Variants in DNAH14 observed in about 807,000 individuals in gnomAD.
The protein encoded by DNAH14 is axonemal beta dynein heavy chain 14.
Under a neutral mutation model 520.9 loss-of-function variants are expected in DNAH14, and 478 were observed. The ratio of observed to expected loss-of-function variants is 0.92; its 90% CI spans 0.85 to 0.99. DNAH14 has a LOEUF of 0.99. Ranked by LOEUF, DNAH14 falls within the 50% of genes least tolerant of loss-of-function variation. The probability of loss-of-function intolerance (pLI) is 0.00; values close to 1 mark genes in which losing one functional copy is unlikely to be tolerated. For synonymous variants in DNAH14, 1,581 were observed against 1,757.2 expected, an observed-to-expected ratio of 0.90 and a Z score of 2.51; for missense variants, 4,831 against 5,234.5, an observed-to-expected ratio of 0.92 and a Z score of 2.38.
At chr1:225,247,925 A>G (rs1346522072) in intron 43 of DNAH14, among the ~76,000 whole-genome samples, 1 of 152,184 alleles carries the variant, frequency 6.6e-6, no homozygotes, top group African/African-American at 2.4e-5. Context: ...AGGCTGAGGC[A>G]GGAGAATGGC....
At chr1:225,294,981 G>A (rs1319899738) in intron 55 of DNAH14, among the ~76,000 whole-genome samples, 2 of 151,862 alleles carry the variant, frequency 1.3e-5, no homozygotes, top group African/African-American at 4.8e-5. Context: ...ATTTCTTCTT[G>A]GCTCAATCTT....
chr1:225,394,970 T>C (rs2095985899), intron 84 of DNAH14, among the ~76,000 whole-genome samples: 2 of 152,174 alleles, frequency 1.3e-5, no homozygotes, highest in Admixed American at 6.5e-5. Context: ...TTTCCCTACT[T>C]CAACTTTGTC....
intron 56 of DNAH14, 131 bp downstream of exon 56, chr1:225,301,161 G>T: frequency 9.8e-7 from 1 of 1,020,490 alleles, no homozygotes; most frequent in Non-Finnish European, 1.4e-6. Flanking sequence ...GTAAAATAAT[G>T]GGTACCCTAC....
chr1:224,940,736 T>C (rs1452092422), intron 1 of DNAH14, among the ~76,000 whole-genome samples: 3 of 150,798 alleles, frequency 2.0e-5, no homozygotes, highest in Non-Finnish European at 1.5e-5. Flanking sequence ...GTGTTCTCAT[T>C]GTTCAATTCT....
intron 17 of DNAH14, among the ~76,000 whole-genome samples, chr1:225,066,216 G>C (rs2070867971): frequency 6.6e-6 from 1 of 151,702 alleles, no homozygotes; most frequent in South Asian, 2.1e-4. Flanking sequence ...AAAGGTATTT[G>C]AGTTGCTTAT....
intron 79 of DNAH14, among the ~76,000 whole-genome samples, chr1:225,379,672 C>T (rs1011438970): frequency 3.3e-5 from 5 of 151,922 alleles, no homozygotes; most frequent in Non-Finnish European, 5.9e-5. Flanking sequence ...AGACTACAGG[C>T]GCCCACCATG....
In DNAH14 at chr1:225,381,519, C is replaced by CTTTTA; in HGVS notation, c.13017_13018insTTTTA (p.Gln4340PhefsTer15). ...CTATAAAAGGAGAGATCATCCTCAC[C>CTTTTA]CAAGAATTGGAGGAAATATTTAACT... is the stretch of plus-strand genomic sequence containing the variant. On this transcript the variant is annotated frameshift_variant, in exon 81 of 86. Transcript: ENST00000682510. LOFTEE classifies it high-confidence loss of function. 6.5e-7 allele frequency: 1 copy of CTTTTA among 1,547,652 alleles called. No individual in the cohort carries two copies. The highest frequency in any genetic ancestry group is 8.7e-7 in the Non-Finnish European group (1 of 1,145,956).
intron 5 of DNAH14, among the ~76,000 whole-genome samples, chr1:224,966,955 G>A (rs1445488589): frequency 6.6e-6 from 1 of 152,134 alleles, no homozygotes; most frequent in Non-Finnish European, 1.5e-5. Flanking sequence ...TGGTTGTAAA[G>A]ATAATGTATA....
intron 23 of DNAH14, among the ~76,000 whole-genome samples, chr1:225,103,757 A>C (rs566034798): frequency 7.6e-4 from 115 of 152,104 alleles, no homozygotes; most frequent in Non-Finnish European, 1.1e-3. Context: ...TGAGACTTTA[A>C]TGAAGTTGCC....
At chr1:225,308,626 C>A (rs1481317252) in intron 60 of DNAH14, among the ~76,000 whole-genome samples, 1 of 152,188 alleles carries the variant, frequency 6.6e-6, no homozygotes, top group African/African-American at 2.4e-5. Flanking sequence ...TGGTCCCTGT[C>A]CTTGAGAAAC....
chr1:225,207,575 T>G (rs758182672), intron 41 of DNAH14, among the ~76,000 whole-genome samples: 1 of 152,132 alleles, frequency 6.6e-6, no homozygotes, highest in Non-Finnish European at 1.5e-5. Context: ...CACAAAGGCG[T>G]AATCATGAAA....
intron 36 of DNAH14, among the ~76,000 whole-genome samples, chr1:225,185,017 TA>T (rs1370609883): frequency 1.3e-5 from 2 of 151,058 alleles, no homozygotes; most frequent in Non-Finnish European, 3.0e-5. Flanking sequence ...GTTATTAAAA[TA>T]AAAAATAAAA....
At chr1:225,103,404 T>A in intron 23 of DNAH14, among the ~76,000 whole-genome samples, 1 of 152,178 alleles carries the variant, frequency 6.6e-6, no homozygotes, top group East Asian at 1.9e-4. Context: ...AACTTTAAAG[T>A]AGTTGTTTCC....
At chr1:225,118,385 C>T (rs2148864438) in intron 25 of DNAH14, among the ~76,000 whole-genome samples, 1 of 152,312 alleles carries the variant, frequency 6.6e-6, no homozygotes, top group African/African-American at 2.4e-5. Context: ...ACTGCTTCTG[C>T]TGATCTCTGG....
intron 54 of DNAH14, among the ~76,000 whole-genome samples, chr1:225,282,433 G>C (rs1182906811): frequency 6.6e-6 from 1 of 152,196 alleles, no homozygotes; most frequent in African/African-American, 2.4e-5. Context: ...GTCCAATGCT[G>C]GAAAGGAAGC....
At chr1:225,338,784 AG>A (rs1186157047) in intron 68 of DNAH14, among the ~76,000 whole-genome samples, 2 of 152,178 alleles carry the variant, frequency 1.3e-5, no homozygotes, top group African/African-American at 2.4e-5. Flanking sequence ...GCTACAGGAA[AG>A]GCCACTTATA....
intron 4 of DNAH14, chr1:224,961,395 C>G (rs1291653391): frequency 1.3e-5 from 2 of 152,138 alleles, no homozygotes; most frequent in Non-Finnish European, 2.9e-5. Context: ...CTTTCTCACA[C>G]TGCTATGAAG....
At chr1:225,151,237 G>T (rs1573526282) in intron 31 of DNAH14, among the ~76,000 whole-genome samples, 1 of 152,064 alleles carries the variant, frequency 6.6e-6, no homozygotes, top group South Asian at 2.1e-4. Flanking sequence ...TCTAATGCAA[G>T]CTAATGGATA....
chr1:225,347,991 G>A (rs549095028), intron 71 of DNAH14, among the ~76,000 whole-genome samples: 1 of 152,198 alleles, frequency 6.6e-6, no homozygotes, highest in South Asian at 2.1e-4. Context: ...GTTAAATGAT[G>A]CATGAACAAA....
Sources: allele counts gnomAD v4.1 joint callset (sites outside exome capture counted in the v4.1 genomes callset), GRCh38; gene constraint gnomAD v4.1.1; transcripts MANE v1.5; gene names NCBI Gene and HGNC (gene_info 2026-07-23, HGNC 2026-07-21).